Variants in PIK3CB observed in about 807,000 individuals in gnomAD.
PIK3CB encodes phosphatidylinositol-4,5-bisphosphate 3-kinase catalytic subunit beta, also known as phosphatidylinositol 4,5-bisphosphate 3-kinase catalytic subunit beta isoform.
Under a neutral mutation model 136.8 loss-of-function variants are expected in PIK3CB, and 39 were observed. The ratio of observed to expected loss-of-function variants is 0.29; its 90% CI spans 0.22 to 0.37. The LOEUF (loss-of-function observed/expected upper bound fraction) is 0.37, where lower values mean the gene tolerates loss of function less well. PIK3CB is among the 10% of genes least tolerant of loss of function. The pLI, the probability that PIK3CB is intolerant of heterozygous loss-of-function variation, is 1.00. For synonymous variants in PIK3CB, 428 were observed against 436.6 expected (o/e 0.98, Z 0.25); for missense variants, 868 against 1,275.4 (o/e 0.68, Z 4.87).
chr3:138,671,639 C>T (rs2108445584), intron 19 of PIK3CB, among the ~76,000 whole-genome samples: 1 of 152,272 alleles, frequency 6.6e-6, no homozygotes, highest in East Asian at 1.9e-4. Context: ...AGGATCTGGA[C>T]CCGACAAAGA....
chr3:138,671,374 C>T (rs2043529085), intron 19 of PIK3CB, among the ~76,000 whole-genome samples: 1 of 152,104 alleles, frequency 6.6e-6, no homozygotes, highest in South Asian at 2.1e-4. Flanking sequence ...ATATTATAAT[C>T]TTGCAGGAAC....
chr3:138,681,042 TTTTTTTTTTG>T, intron 19 of PIK3CB, among the ~76,000 whole-genome samples: 1 of 135,028 alleles, frequency 7.4e-6, no homozygotes, highest in African/African-American at 2.9e-5. Flanking sequence ...TTCATGTTAG[TTTTTTTTTTG>T]TTTTTTTTTT....
At chr3:138,779,598 G>T (rs2045901277) in intron 2 of PIK3CB, among the ~76,000 whole-genome samples, 1 of 151,544 alleles carries the variant, frequency 6.6e-6, no homozygotes, top group South Asian at 2.1e-4. Context: ...TTGCCATGTT[G>T]CCCAGGCTGG....
intron 10 of PIK3CB, among the ~76,000 whole-genome samples, chr3:138,711,494 G>A (rs1184728162): frequency 3.4e-5 from 5 of 145,950 alleles, no homozygotes; most frequent in South Asian, 2.1e-4. Context: ...CAGGAGAATC[G>A]CTTGAACCTG....
intron 1 of PIK3CB, among the ~76,000 whole-genome samples, chr3:138,817,820 C>T (rs1156745950): frequency 2.0e-5 from 3 of 152,186 alleles, no homozygotes; most frequent in African/African-American, 7.2e-5. Flanking sequence ...TAGCTAGGCA[C>T]AGTGGCTTGT....
chr3:138,674,669 G>A (rs1191436791), intron 19 of PIK3CB, among the ~76,000 whole-genome samples: 1 of 152,074 alleles, frequency 6.6e-6, no homozygotes, highest in Admixed American at 6.5e-5. Flanking sequence ...CAATGAAACC[G>A]TCCTTCAGGA....
chr3:138,755,883 C>T lies in PIK3CB; in HGVS notation c.268G>A (p.Glu90Lys). ...CTTCGTGTTTCATCTTCAAGCTCCT[C>T]ATATACAGCAGTCTGATTCACACAT... The part of the protein sequence containing the change: ...FACVNQTAVY[E>K]ELEDETRRLC... The change falls in exon 4 of 24, where the codon GAG becomes AAG. Residue 90 changes from glutamate (E) to lysine (K), a missense_variant. This residue lies in a region of PIK3CB where 612 missense variants were observed against 801.1 expected (regional missense o/e 0.76). Transcript: ENST00000674063. 6.2e-7 allele frequency: 1 copy of T among 1,611,328 alleles called. No homozygotes were observed. Among genetic ancestry groups the T allele is most frequent in the Non-Finnish European group, 8.5e-7 (1 of 1,177,606 alleles).
chr3:138,827,064 G>A (rs557482093), intron 1 of PIK3CB, among the ~76,000 whole-genome samples: 17 of 149,862 alleles, frequency 1.1e-4, no homozygotes, highest in African/African-American at 3.5e-4. Flanking sequence ...AGCAAAACTC[G>A]GTCAATAAAT....
chr3:138,762,345 G>A (rs2045674487), intron 2 of PIK3CB, among the ~76,000 whole-genome samples: 1 of 152,208 alleles, frequency 6.6e-6, no homozygotes, highest in African/African-American at 2.4e-5. Context: ...GAGATATAAT[G>A]TCTAGTGGTC....
chr3:138,769,035 G>A (rs1217330739), intron 2 of PIK3CB, among the ~76,000 whole-genome samples: 1 of 152,144 alleles, frequency 6.6e-6, no homozygotes, highest in African/African-American at 2.4e-5. Flanking sequence ...TGGAGCAGGA[G>A]GCCCGGGTCT....
chr3:138,785,436 A>T (rs916290285), intron 2 of PIK3CB, among the ~76,000 whole-genome samples: 2 of 152,228 alleles, frequency 1.3e-5, no homozygotes, highest in African/African-American at 4.8e-5. Flanking sequence ...CTGTAGAAAG[A>T]AGTAGACATA....
chr3:138,803,092 C>CT (rs1036790293), intron 1 of PIK3CB, among the ~76,000 whole-genome samples: 5 of 152,050 alleles, frequency 3.3e-5, no homozygotes, highest in African/African-American at 1.2e-4. Flanking sequence ...AAGTTCAGAC[C>CT]TGAGGGAACA....
In PIK3CB at chr3:138,760,047, G is replaced by A. The variant is rs201991595; in HGVS notation, c.-16-688C>T. Among the ~76,000 whole-genome samples the A allele has an allele frequency of 7.2e-5, 11 of 151,882 alleles. 1 individual carries two copies. The East Asian group carries it at 1.5e-3, about 21-fold the overall frequency. On this transcript the variant is annotated intron_variant, in intron 2 of 23. Transcript: ENST00000674063. Reference sequence around the variant, plus strand: ...CGCCATTCTCCTGCCTCAGCCTCCCGAGTAGCTGAGACTACAGGCGCCTGC... The same window carrying A: ...CGCCATTCTCCTGCCTCAGCCTCCCAAGTAGCTGAGACTACAGGCGCCTGC...
chr3:138,780,357 G>A (rs1023525522), intron 2 of PIK3CB, among the ~76,000 whole-genome samples: 19 of 151,934 alleles, frequency 1.3e-4, no homozygotes, highest in South Asian at 2.1e-4. Context: ...TGCAACCTCC[G>A]CCTCCAGGGT....
At chr3:138,705,079 T>TA (rs1436304023) in intron 11 of PIK3CB, among the ~76,000 whole-genome samples, 4 of 147,636 alleles carry the variant, frequency 2.7e-5, no homozygotes, top group Admixed American at 2.1e-4. Context: ...GTCCCTGGCT[T>TA]ATATATATTC....
At chr3:138,830,497 G>T (rs1003422882) in intron 1 of PIK3CB, among the ~76,000 whole-genome samples, 1 of 149,698 alleles carries the variant, frequency 6.7e-6, no homozygotes, top group South Asian at 2.1e-4. Context: ...AGGTTGCAGC[G>T]AGCCAAGATG....
intron 2 of PIK3CB, among the ~76,000 whole-genome samples, chr3:138,762,979 T>C (rs996898576): frequency 2.0e-5 from 3 of 151,014 alleles, no homozygotes; most frequent in African/African-American, 7.3e-5. Context: ...AAAACAACAA[T>C]AAAAAAATAT....
In PIK3CB at chr3:138,653,807, C is replaced by T. The variant is rs1003290107; in HGVS notation, c.*1582G>A. 5.1e-6 allele frequency: 1 copy of T among 197,666 alleles called. No homozygotes were observed. Among genetic ancestry groups the T allele is most frequent in the Non-Finnish European group, 1.0e-5 (1 of 95,380 alleles). The allele number at this position is 197,666 out of a possible 1,614,324, so 12.2% of individuals were successfully genotyped here. Reference sequence around the variant, plus strand: ...CAGACTTCAGGACACCTCCCATATGCATGGCTCCTTACCTCAGGCTCCCAC... The same window carrying T: ...CAGACTTCAGGACACCTCCCATATGTATGGCTCCTTACCTCAGGCTCCCAC... On this transcript the variant is annotated 3_prime_UTR_variant, in exon 24 of 24. Transcript: ENST00000674063.
At chr3:138,797,940 T>C (rs1423208207) in intron 1 of PIK3CB, among the ~76,000 whole-genome samples, 1 of 151,462 alleles carries the variant, frequency 6.6e-6, no homozygotes, top group African/African-American at 2.4e-5. Context: ...GCAACAGAAA[T>C]AGACCCTGTC....
Sources: allele counts gnomAD v4.1 joint callset (sites outside exome capture counted in the v4.1 genomes callset), GRCh38; gene constraint gnomAD v4.1.1; regional missense constraint gnomAD v4.1.1; transcripts MANE v1.5; gene names NCBI Gene and HGNC (gene_info 2026-07-23, HGNC 2026-07-21).